Variants in KCNA2 observed in about 807,000 individuals in gnomAD.
The protein encoded by KCNA2 is potassium channel, voltage gated shaker related subfamily A, member 2.
In KCNA2, 11 loss-of-function variants were observed where a neutral mutation model predicts 33.4. That is an observed-to-expected ratio of 0.33 (90% CI 0.21 to 0.55). The LOEUF is 0.55. Among genes scored for constraint, KCNA2 ranks in the 20% least tolerant of loss-of-function variants. The probability of loss-of-function intolerance (pLI) is 0.93; values close to 1 mark genes in which losing one functional copy is unlikely to be tolerated. For synonymous variants in KCNA2, 222 were observed against 231.3 expected, an observed-to-expected ratio of 0.96 and a Z score of 0.37; for missense variants, 291 against 621.6, an observed-to-expected ratio of 0.47 and a Z score of 5.66.
In KCNA2 at chr1:110,604,303, C is replaced by T; in HGVS notation, c.480G>A (p.Gly160=). Residue 160 remains glycine (G), a synonymous_variant, in exon 3 of 3, where the codon GGG becomes GGA. Transcript: ENST00000316361. The surrounding 1 kb of genome is among the most constrained non-coding windows in gnomAD (Gnocchi z 7.6). ...WLLFEYPESS[G]PARIIAIVSV... Reference sequence around the variant, plus strand: ...ACACAATAGCTATAATCCTGGCAGGCCCTGAGCTCTCTGGGTATTCAAAGA... The same window carrying T: ...ACACAATAGCTATAATCCTGGCAGGTCCTGAGCTCTCTGGGTATTCAAAGA... 1.2e-6 allele frequency: 2 copies of T among 1,614,138 alleles called. No individual in the cohort carries two copies. The highest frequency in any genetic ancestry group is 1.1e-5 in the South Asian group (1 of 91,076).
At position 110,595,169 on chromosome 1, in the gene KCNA2, T is replaced by C. The variant is rs957891763; in HGVS notation, c.*8114A>G. The stretch of plus-strand genomic sequence containing the variant: ...TACACTGCCCTCAATGATCTAGATG[T>C]TGCAGTAGCTGTCCACATTATTACA... On this transcript the variant is annotated 3_prime_UTR_variant, in exon 3 of 3. Transcript: ENST00000316361. The C allele has an allele frequency of 5.6e-5, 55 of 985,268 alleles. No individual in the cohort carries two copies. The highest frequency in any genetic ancestry group is 6.6e-5 in the Non-Finnish European group (55 of 829,930). 61.0% of individuals were successfully genotyped at this position (985,268 alleles called of 1,614,324 possible).
upstream of KCNA2, chr1:110,606,372 G>A (rs1570755755): frequency 6.6e-6 from 1 of 152,326 alleles, no homozygotes; most frequent in East Asian, 1.9e-4. Context: ...CGCTCCGCCT[G>A]CCTAGCTGCG....
At chr1:110,622,671 AAATC>A (rs937000784) in intron 1 of KCNA2, among the ~76,000 whole-genome samples, 16 of 152,166 alleles carry the variant, frequency 1.1e-4, no homozygotes. Context: ...CAATGTACAA[AAATC>A]AATCATTTTT....
intron 1 of KCNA2, among the ~76,000 whole-genome samples, chr1:110,621,846 C>G (rs146254447): frequency 5.3e-5 from 8 of 152,170 alleles, no homozygotes; most frequent in Admixed American, 1.3e-4. Flanking sequence ...TAGTTTAAAA[C>G]CTGCTTAGTT....
chr1:110,615,082 G>A (rs980218207), intron 1 of KCNA2, among the ~76,000 whole-genome samples: 1 of 152,196 alleles, frequency 6.6e-6, no homozygotes, highest in Admixed American at 6.5e-5. Flanking sequence ...TTGACTCTGA[G>A]GCCTTGCAGA....
At chr1:110,610,801 G>A (rs1570759417), upstream of KCNA2, among the ~76,000 whole-genome samples, 1 of 152,166 alleles carries the variant, frequency 6.6e-6, no homozygotes, top group Non-Finnish European at 1.5e-5. Context: ...GTGATTAACT[G>A]TTCATACCTT....
At chr1:110,605,881 C>T (rs1419132207) in intron 1 of KCNA2, 159 bp from the exon 2 acceptor site, 2 of 152,308 alleles carry the variant, frequency 1.3e-5, no homozygotes, top group Non-Finnish European at 2.9e-5. Context: ...GCCTCCTTGC[C>T]TCTTCTGGGC....
Position 110,595,853 on chromosome 1 carries a change from C to T in KCNA2, c.*7430G>A. 1 of 985,410 alleles carries T rather than the reference C, an allele frequency of 1.0e-6. No individual in the cohort carries two copies. Among genetic ancestry groups the T allele is most frequent in the Non-Finnish European group, 1.2e-6 (1 of 829,922 alleles). The allele number at this position is 985,410 out of a possible 1,614,324, so 61.0% of individuals were successfully genotyped here. A position where few individuals can be genotyped will look rare whatever the true frequency, so the allele number is the denominator to read the frequency against. On this transcript the variant is annotated 3_prime_UTR_variant, in exon 3 of 3. Transcript: ENST00000316361. ...CTTCATTGGAATGTTACTTTCAGATCTCACAAACCTCAAACCTAGGGCACC... is the reference window on the plus strand; with the variant it reads ...CTTCATTGGAATGTTACTTTCAGATTTCACAAACCTCAAACCTAGGGCACC...
chr1:110,603,661 A>C lies in KCNA2; in HGVS notation c.1122T>G (p.Thr374=). ...TCGGAACCATGTCTCCATAGCCTACAGTTGTCATGGAGACGACTGCCCACC... is the reference window on the plus strand; with the variant it reads ...TCGGAACCATGTCTCCATAGCCTACCGTTGTCATGGAGACGACTGCCCACC... The part of the protein sequence containing the change: ...AFWWAVVSMT[T]VGYGDMVPTT... Residue 374 remains threonine, a synonymous_variant, in exon 3 of 3, where the codon ACT becomes ACG. Coordinates refer to ENST00000316361, the MANE Select transcript of KCNA2 (RefSeq NM_004974.4). This position sits in a 1 kb window ranked among gnomAD's most constrained non-coding sequence, Gnocchi z 5.7. The C allele has an allele frequency of 6.2e-7, 1 of 1,614,126 alleles. No individual in the cohort carries two copies. Among genetic ancestry groups the C allele is most frequent in the Non-Finnish European group, 8.5e-7 (1 of 1,180,036 alleles).
At chr1:110,625,743 A>G (rs1378566913) in intron 1 of KCNA2, among the ~76,000 whole-genome samples, 4 of 152,220 alleles carry the variant, frequency 2.6e-5, no homozygotes, top group Non-Finnish European at 5.9e-5. Context: ...AAAGAAGTCA[A>G]TAAGGTAAAA....
upstream of KCNA2, chr1:110,608,042 C>G (rs1331680329): frequency 6.6e-6 from 1 of 152,434 alleles, no homozygotes; most frequent in Non-Finnish European, 1.5e-5. Context: ...AGGGCCCGGG[C>G]AGGGAAGGCT....
intron 1 of KCNA2, among the ~76,000 whole-genome samples, chr1:110,621,722 A>C (rs1650263623): frequency 6.6e-6 from 1 of 152,222 alleles, no homozygotes; most frequent in Non-Finnish European, 1.5e-5. Flanking sequence ...CTATGACAAT[A>C]AATTGGACAA....
At chr1:110,628,153 G>A (rs907763838) in intron 1 of KCNA2, among the ~76,000 whole-genome samples, 1 of 152,204 alleles carries the variant, frequency 6.6e-6, no homozygotes, top group East Asian at 1.9e-4. Context: ...CCTGATGGGG[G>A]AAAAGACAGT....
chr1:110,620,833 G>T (rs1650236840), intron 1 of KCNA2, among the ~76,000 whole-genome samples: 1 of 152,132 alleles, frequency 6.6e-6, no homozygotes, highest in African/African-American at 2.4e-5. Flanking sequence ...AAAACAAACT[G>T]CTCTTATTAT....
chr1:110,601,588 C>G lies in KCNA2; in HGVS notation c.*1695G>C. Reference sequence around the variant, plus strand: ...CAAGCTTCAGCCATGGGAACTGAAGCTGCAGCACATGGAGGGCAGAAAGAC... The same window carrying G: ...CAAGCTTCAGCCATGGGAACTGAAGGTGCAGCACATGGAGGGCAGAAAGAC... On this transcript the variant is annotated 3_prime_UTR_variant, in exon 3 of 3. Transcript: ENST00000316361. The G allele has an allele frequency of 1.0e-6, 1 of 990,680 alleles. No homozygotes were observed. Among genetic ancestry groups the G allele is most frequent in the Non-Finnish European group, 1.2e-6 (1 of 833,502 alleles). 61.4% of individuals were successfully genotyped at this position (990,680 alleles called of 1,614,324 possible).
At chr1:110,609,655 G>C (rs1021784370), upstream of KCNA2, among the ~76,000 whole-genome samples, 1 of 152,150 alleles carries the variant, frequency 6.6e-6, no homozygotes, top group Non-Finnish European at 1.5e-5. Context: ...TCAGGGGTAT[G>C]TTGTCCTGTC....
In KCNA2 at chr1:110,599,677, T is replaced by C. The variant is rs1409194491; in HGVS notation, c.*3606A>G. 2 of 985,322 alleles carry C rather than the reference T, an allele frequency of 2.0e-6. No individual in the cohort carries two copies. Among genetic ancestry groups the C allele is most frequent in the Non-Finnish European group, 2.4e-6 (2 of 829,948 alleles). 61.0% of individuals were successfully genotyped at this position (985,322 alleles called of 1,614,324 possible). On this transcript the variant is annotated 3_prime_UTR_variant, in exon 3 of 3. Coordinates refer to ENST00000316361, the MANE Select transcript of KCNA2 (RefSeq NM_004974.4). ...GGAAGGGCAATAAAATCTGTGGGCTTAGAGAATGTTGGGGACATCTTTACC... is the reference window on the plus strand; with the variant it reads ...GGAAGGGCAATAAAATCTGTGGGCTCAGAGAATGTTGGGGACATCTTTACC...
chr1:110,631,180 A>G (rs1057218145), intron 1 of KCNA2, among the ~76,000 whole-genome samples: 4 of 152,082 alleles, frequency 2.6e-5, no homozygotes, highest in African/African-American at 9.7e-5. Flanking sequence ...TTTAGCCTCC[A>G]TTCCATTACT....
At position 110,602,646 on chromosome 1, in the gene KCNA2, C is replaced by G; in HGVS notation, c.*637G>C. On this transcript the variant is annotated 3_prime_UTR_variant, in exon 3 of 3. Coordinates refer to ENST00000316361, the MANE Select transcript of KCNA2 (RefSeq NM_004974.4). ...CTCATATTCGGTCATACTAACTGTCCCTCCCCCGGGCTTCCCTCACATCGA... is the reference window on the plus strand; with the variant it reads ...CTCATATTCGGTCATACTAACTGTCGCTCCCCCGGGCTTCCCTCACATCGA... 2.0e-6 allele frequency: 2 copies of G among 993,700 alleles called. No homozygotes were observed. Among genetic ancestry groups the G allele is most frequent in the Non-Finnish European group, 2.4e-6 (2 of 835,438 alleles). The allele number at this position is 993,700 out of a possible 1,614,324, so 61.6% of individuals were successfully genotyped here. A position where few individuals can be genotyped will look rare whatever the true frequency, so the allele number is the denominator to read the frequency against.
Sources: allele counts gnomAD v4.1 joint callset (sites outside exome capture counted in the v4.1 genomes callset), GRCh38; gene constraint gnomAD v4.1.1; non-coding constraint Gnocchi (gnomAD v3.1); transcripts MANE v1.5; gene names NCBI Gene and HGNC (gene_info 2026-07-23, HGNC 2026-07-21).